SYNDIG1: variants seen among roughly 807,000 people sequenced by gnomAD.
SYNDIG1 encodes the protein synapse differentiation-inducing gene protein 1.
In SYNDIG1, 9 loss-of-function variants were observed where a neutral mutation model predicts 19.4. The observed-to-expected ratio is 0.46, with a 90% CI of 0.28 to 0.81. The LOEUF is 0.81. Ranked by LOEUF, SYNDIG1 falls within the 30% of genes least tolerant of loss-of-function variation. The pLI, the probability that SYNDIG1 is intolerant of heterozygous loss-of-function variation, is 0.12. For missense variants in SYNDIG1, 311 were observed against 343.3 expected, an observed-to-expected ratio of 0.91 and a Z score of 0.74; for synonymous variants, 141 against 145.9, an observed-to-expected ratio of 0.97 and a Z score of 0.24.
At chr20:24,494,525 A>G (rs2056246336) in intron 1 of SYNDIG1, among the ~76,000 whole-genome samples, 1 of 152,214 alleles carries the variant, frequency 6.6e-6, no homozygotes. Context: ...TGGTGCTGAC[A>G]TCACTCATTC....
chr20:24,661,766 A>G (rs1440239586), intron 3 of SYNDIG1, among the ~76,000 whole-genome samples: 1 of 152,064 alleles, frequency 6.6e-6, no homozygotes, highest in African/African-American at 2.4e-5. Flanking sequence ...AACTAGAGCA[A>G]GACCTGGATC....
chr20:24,596,906 A>G (rs2058604248), intron 3 of SYNDIG1: 1 of 152,228 alleles, frequency 6.6e-6, no homozygotes, highest in South Asian at 2.1e-4. Flanking sequence ...GATTCAACGG[A>G]TATCACTGGT....
chr20:24,624,952 T>C (rs1330096821), intron 3 of SYNDIG1, among the ~76,000 whole-genome samples: 1 of 152,190 alleles, frequency 6.6e-6, no homozygotes, highest in Non-Finnish European at 1.5e-5. Flanking sequence ...CAATAACCCA[T>C]GGTCAAAGAA....
intron 2 of SYNDIG1, among the ~76,000 whole-genome samples, chr20:24,558,447 C>G (rs899994585): frequency 2.0e-5 from 3 of 152,170 alleles, no homozygotes; most frequent in Non-Finnish European, 4.4e-5. Flanking sequence ...ATAGAAGGGA[C>G]ATACCTGAAT....
chr20:24,628,326 C>G (rs1264274112), intron 3 of SYNDIG1, among the ~76,000 whole-genome samples: 1 of 152,228 alleles, frequency 6.6e-6, no homozygotes, highest in East Asian at 1.9e-4. Flanking sequence ...TACTCCTCTG[C>G]AGTCAGCAGC....
chr20:24,625,384 ATTTTT>A lies in SYNDIG1; in HGVS notation c.619-39945_619-39941del, dbSNP rs35759862. On this transcript the variant is annotated intron_variant, in intron 3 of 3. Transcript: ENST00000376862. ...GGCCATCACTCCAAATGCCTGGGAC[ATTTTT>A]TTTTTTTTTTTTTTTTGATCATTCT... is the stretch of plus-strand genomic sequence containing the variant. Among the ~76,000 whole-genome samples, 6 of 115,278 alleles carry A rather than the reference ATTTTT, an allele frequency of 5.2e-5. No homozygotes were observed. In the East Asian group the frequency reaches 7.4e-4, roughly 14 times the overall value. The allele number at this position is 115,278 out of a possible 152,430, so 75.6% of individuals were successfully genotyped here.
intron 1 of SYNDIG1, among the ~76,000 whole-genome samples, chr20:24,479,832 G>A (rs2055745542): frequency 6.6e-6 from 1 of 152,158 alleles, no homozygotes; most frequent in South Asian, 2.1e-4. Flanking sequence ...CACTGGACAG[G>A]CTGCTTGGGA....
intron 2 of SYNDIG1, among the ~76,000 whole-genome samples, chr20:24,584,257 C>T (rs1392224632): frequency 6.6e-6 from 1 of 152,184 alleles, no homozygotes; most frequent in Non-Finnish European, 1.5e-5. Flanking sequence ...CCACCTGTGT[C>T]TTGACTCAGT....
At chr20:24,577,455 A>G (rs1253993649) in intron 2 of SYNDIG1, among the ~76,000 whole-genome samples, 1 of 152,216 alleles carries the variant, frequency 6.6e-6, no homozygotes, top group Non-Finnish European at 1.5e-5. Flanking sequence ...CAAGGTCTCC[A>G]TGGCTCACAT....
intron 2 of SYNDIG1, among the ~76,000 whole-genome samples, chr20:24,552,210 T>G (rs901169429): frequency 2.0e-5 from 3 of 152,202 alleles, no homozygotes; most frequent in African/African-American, 7.2e-5. Flanking sequence ...TTATAAAGCT[T>G]CTGTCACTGA....
rs541331406 is a variant in SYNDIG1 at position 24,519,871 on chromosome 20, G to A, written c.-78-23149G>A. On this transcript the variant is annotated intron_variant, in intron 1 of 3. Coordinates refer to ENST00000376862, the MANE Select transcript of SYNDIG1 (RefSeq NM_024893.3). ...CACACACACACACCCCACCACCACC[G>A]CCATCACGAAAAACACAGAATGTCA... Among the ~76,000 whole-genome samples, 15 of 151,014 alleles carry A rather than the reference G, an allele frequency of 9.9e-5. No individual in the cohort carries two copies. In the South Asian group the frequency reaches 2.7e-3, roughly 28 times the overall value.
rs6106915 is a variant in SYNDIG1 at position 24,621,051 on chromosome 20, G to T, written c.618+36058G>T. Among the ~76,000 whole-genome samples, 244 of 152,142 alleles carry T rather than the reference G, an allele frequency of 1.6e-3. 2 individuals carry two copies. The highest frequency in any genetic ancestry group is 5.6e-3 in the African/African-American group (233 of 41,496). On this transcript the variant is annotated intron_variant, in intron 3 of 3. Transcript: ENST00000376862. ...TAAGAATCTTGTGAATCTTCAGTGG[G>T]CAAAGTAAACAGCATTATGTTGATA...
intron 1 of SYNDIG1, among the ~76,000 whole-genome samples, chr20:24,496,232 T>C (rs1274901187): frequency 6.6e-6 from 1 of 152,214 alleles, no homozygotes; most frequent in Non-Finnish European, 1.5e-5. Context: ...CCCGTAAATG[T>C]TAATTTGACG....
chr20:24,537,744 C>T (rs944395540), intron 1 of SYNDIG1, among the ~76,000 whole-genome samples: 10 of 152,146 alleles, frequency 6.6e-5, no homozygotes, highest in Non-Finnish European at 1.3e-4. Flanking sequence ...AGAGGGATGC[C>T]TGATCCTAGA....
chr20:24,521,604 T>G (rs1239282734), intron 1 of SYNDIG1, among the ~76,000 whole-genome samples: 2 of 152,256 alleles, frequency 1.3e-5, no homozygotes, highest in East Asian at 3.9e-4. Flanking sequence ...ATTTAAAATT[T>G]AAGTAGTACC....
At chr20:24,560,679 A>G (rs1322106266) in intron 2 of SYNDIG1, among the ~76,000 whole-genome samples, 1 of 140,242 alleles carries the variant, frequency 7.1e-6, no homozygotes, top group East Asian at 2.0e-4. Flanking sequence ...CCCCCGAGAC[A>G]GTTTCTGTTG....
chr20:24,474,461 T>C (rs2055558642), intron 1 of SYNDIG1, among the ~76,000 whole-genome samples: 1 of 151,954 alleles, frequency 6.6e-6, no homozygotes, highest in African/African-American at 2.4e-5. Context: ...ATAATAAAAA[T>C]AAAAGCTGTT....
At chr20:24,553,338 G>T (rs1379643170) in intron 2 of SYNDIG1, among the ~76,000 whole-genome samples, 3 of 152,232 alleles carry the variant, frequency 2.0e-5, no homozygotes, top group African/African-American at 4.8e-5. Context: ...GTCAATTTTG[G>T]ATTTTGTTGC....
At chr20:24,476,439 G>A (rs1225286644) in intron 1 of SYNDIG1, among the ~76,000 whole-genome samples, 4 of 152,032 alleles carry the variant, frequency 2.6e-5, no homozygotes, top group Admixed American at 6.5e-5. Flanking sequence ...AGGCTAAGGC[G>A]GGCAGATCCC....
Sources: gnomAD v4.1 joint callset for allele counts (sites outside exome capture counted in the v4.1 genomes callset) on GRCh38, gnomAD v4.1.1 for gene constraint, MANE v1.5 for transcripts, NCBI Gene and HGNC (gene_info 2026-07-23, HGNC 2026-07-21) for gene names.